Variants in MICAL3 observed in about 807,000 individuals in gnomAD.
The protein encoded by MICAL3 is [F-actin]-monooxygenase MICAL3.
MICAL3 carries 62 observed loss-of-function variants against 207.4 expected under a neutral mutation model. The observed-to-expected ratio is 0.30, with a 90% CI of 0.24 to 0.37. MICAL3 has a LOEUF of 0.37. Among genes scored for constraint, MICAL3 ranks in the 10% least tolerant of loss-of-function variants. MICAL3 has a pLI of 1.00. For synonymous variants in MICAL3, 1,077 were observed against 1,069.3 expected, an observed-to-expected ratio of 1.01 and a Z score of -0.14; for missense variants, 2,368 against 2,635.6, an observed-to-expected ratio of 0.90 and a Z score of 2.22.
Position 17,944,578 on chromosome 22 carries a change from C to T in MICAL3, c.-74-37692G>A, listed in dbSNP as rs543786498. ...AAGGGCAACATTCCATGCAAAGTTT[C>T]GGTGTGCAGGCCTCCTGAGAACCCA... is the stretch of plus-strand genomic sequence containing the variant. On this transcript the variant is annotated intron_variant, in intron 1 of 31. Transcript: ENST00000441493. Among the ~76,000 whole-genome samples, 13 of 152,288 alleles carry T rather than the reference C, an allele frequency of 8.5e-5. No individual in the cohort carries two copies. In the East Asian group the frequency reaches 1.2e-3, roughly 14 times the overall value.
At chr22:17,872,081 C>T in intron 16 of MICAL3, 58 bp from the exon 17 acceptor site, 2 of 1,455,762 alleles carry the variant, frequency 1.4e-6, no homozygotes, top group South Asian at 1.3e-5. Flanking sequence ...CACACAGGCC[C>T]TCCTAGAGGC....
chr22:17,968,925 T>C (rs957042507), intron 1 of MICAL3, among the ~76,000 whole-genome samples: 1 of 152,016 alleles, frequency 6.6e-6, no homozygotes, highest in Non-Finnish European at 1.5e-5. Context: ...AATTAACCAA[T>C]GCAAAAAATG....
chr22:17,964,569 T>C (rs1164082457), intron 1 of MICAL3, among the ~76,000 whole-genome samples: 1 of 152,146 alleles, frequency 6.6e-6, no homozygotes, highest in Non-Finnish European at 1.5e-5. Flanking sequence ...TACGTGAAGA[T>C]TAAAAATTTA....
At chr22:17,807,829 G>C (rs1373746170) in intron 29 of MICAL3, among the ~76,000 whole-genome samples, 1 of 152,212 alleles carries the variant, frequency 6.6e-6, no homozygotes, top group African/African-American at 2.4e-5. Context: ...ATTTCACAGA[G>C]AGCCTGCCTG....
Position 17,977,166 on chromosome 22 carries a change from C to G in MICAL3, c.-75+47115G>C, listed in dbSNP as rs12171044. The stretch of plus-strand genomic sequence containing the variant: ...ACTGATGTGCAAATCCAGGTTTACT[C>G]AAGAATCGAGAGTAAATTTGACATC... On this transcript the variant is annotated intron_variant, in intron 1 of 31. Transcript: ENST00000441493. Among the ~76,000 whole-genome samples, 643 of 152,218 alleles carry G rather than the reference C, an allele frequency of 4.2e-3. 4 individuals are homozygous for G. Among genetic ancestry groups the G allele is most frequent in the African/African-American group, 0.014 (594 of 41,538 alleles).
At chr22:17,886,371 G>GA (rs1304503554) in intron 15 of MICAL3, among the ~76,000 whole-genome samples, 2 of 152,214 alleles carry the variant, frequency 1.3e-5, no homozygotes, top group Non-Finnish European at 2.9e-5. Context: ...AACATCCACA[G>GA]AAAAAACCAG....
intron 1 of MICAL3, among the ~76,000 whole-genome samples, chr22:17,984,590 C>T (rs1454531220): frequency 7.0e-6 from 1 of 142,664 alleles, no homozygotes; most frequent in African/African-American, 2.5e-5. Context: ...AGATGGGCTG[C>T]TTTGCCCCAG....
intron 1 of MICAL3, among the ~76,000 whole-genome samples, chr22:17,958,001 T>TAAAAATTCCACATTACCC (rs1438157464): frequency 2.0e-5 from 3 of 152,146 alleles, no homozygotes; most frequent in Non-Finnish European, 4.4e-5. Context: ...CCAAAAAACC[T>TAAAAATTCCACATTACCC]AAAAATTCCA....
At chr22:17,884,325 A>AGGAC (rs762209226) in intron 16 of MICAL3, 1 of 1,595,866 alleles carries the variant, frequency 6.3e-7, no homozygotes, top group South Asian at 1.1e-5. Flanking sequence ...GGCAGGCAGC[A>AGGAC]GGACGGCTGG....
intron 16 of MICAL3, chr22:17,884,355 T>C (rs777821686): frequency 6.3e-7 from 1 of 1,590,476 alleles, no homozygotes; most frequent in East Asian, 2.4e-5. Context: ...CGCTCTTGTG[T>C]CAGCTGGGAC....
intron 2 of MICAL3, among the ~76,000 whole-genome samples, 152 bp from the exon 3 acceptor site, chr22:17,904,991 C>A (rs1931614142): frequency 6.6e-6 from 1 of 152,220 alleles, no homozygotes. Flanking sequence ...TGGGTCACAG[C>A]AGAGCACCTG....
intron 20 of MICAL3, 48 bp from the exon 21 acceptor site, chr22:17,832,155 T>G (rs1164406095): frequency 2.6e-6 from 4 of 1,543,456 alleles, no homozygotes; most frequent in Non-Finnish European, 3.5e-6. Context: ...GAAGAAAAAC[T>G]GAGAAGGGGA....
At chr22:17,809,794 C>T (rs749619481) in intron 28 of MICAL3, among the ~76,000 whole-genome samples, 12 of 152,216 alleles carry the variant, frequency 7.9e-5, no homozygotes, top group Non-Finnish European at 1.6e-4. Context: ...AAATGGACTC[C>T]TGGTGACAGT....
chr22:17,870,789 G>A (rs532348600), intron 17 of MICAL3, among the ~76,000 whole-genome samples: 28 of 152,198 alleles, frequency 1.8e-4, no homozygotes, highest in African/African-American at 6.7e-4. Flanking sequence ...TCCCCGACTC[G>A]GGAGTGCTTT....
chr22:18,021,253 A>C (rs1924459976), intron 1 of MICAL3, among the ~76,000 whole-genome samples: 1 of 152,260 alleles, frequency 6.6e-6, no homozygotes, highest in Non-Finnish European at 1.5e-5. Flanking sequence ...TTCCTGGATT[A>C]GCCATCTACT....
In MICAL3 at chr22:17,893,843, A is replaced by G; in HGVS notation, c.1511T>C (p.Val504Ala). The G allele has an allele frequency of 6.3e-7, 1 of 1,577,806 alleles. No individual in the cohort carries two copies. The highest frequency in any genetic ancestry group is 8.6e-7 in the Non-Finnish European group (1 of 1,160,364). ...KDIHLEMESLVNSRTTPKLTR... is the reference protein window; with the variant it reads ...KDIHLEMESLANSRTTPKLTR... ...CAATTTGGGGGTGGTTCGGGAATTC[A>G]CCAGGCTCTCCATTTCCAGGTGAAT... is the stretch of plus-strand genomic sequence containing the variant. The change falls in exon 11 of 32, where the codon GTG (valine) becomes GCG (alanine). Residue 504 changes from valine to alanine, a missense_variant. Coordinates refer to ENST00000441493, the MANE Select transcript of MICAL3 (RefSeq NM_015241.3).
intron 1 of MICAL3, among the ~76,000 whole-genome samples, chr22:17,924,141 G>A (rs933715296): frequency 1.3e-5 from 2 of 152,190 alleles, no homozygotes; most frequent in Non-Finnish European, 2.9e-5. Flanking sequence ...CCCACGACAC[G>A]TGGGGAATAT....
intron 22 of MICAL3, among the ~76,000 whole-genome samples, chr22:17,825,617 C>T (rs1041550765): frequency 4.9e-4 from 75 of 152,300 alleles, no homozygotes; most frequent in Admixed American, 3.7e-3. Flanking sequence ...TGAAGCCCCA[C>T]GAGCTCCCAT....
intron 16 of MICAL3, chr22:17,881,144 C>T (rs1929382677): frequency 3.0e-6 from 4 of 1,349,148 alleles, no homozygotes; most frequent in Non-Finnish European, 4.2e-6. Context: ...TCTACACTAG[C>T]CACCTACACA....
Sources: gnomAD v4.1 joint callset for allele counts (sites outside exome capture counted in the v4.1 genomes callset) on GRCh38, gnomAD v4.1.1 for gene constraint, MANE v1.5 for transcripts, NCBI Gene and HGNC (gene_info 2026-07-23, HGNC 2026-07-21) for gene names.